The following RIN3 variants were observed in gnomAD, a reference collection of about 807,000 sequenced individuals.
RIN3 encodes Ras and Rab interactor 3, also known as RAB5 interacting protein 3.
Under a neutral mutation model 76.3 loss-of-function variants are expected in RIN3, and 54 were observed. That is an observed-to-expected ratio of 0.71 (90% CI 0.57 to 0.89). The LOEUF (loss-of-function observed/expected upper bound fraction) is 0.89, where lower values mean the gene tolerates loss of function less well. Among genes scored for constraint, RIN3 ranks in the 40% least tolerant of loss-of-function variants. RIN3 has a pLI of 0.00. For missense variants in RIN3, 1,256 were observed against 1,322.1 expected (o/e 0.95, Z 0.78); for synonymous variants, 576 against 564.0 (o/e 1.02, Z -0.30).
In RIN3 at chr14:92,521,985, C is replaced by T. The variant is rs1053834274; in HGVS notation, c.44+8009C>T. 1.1e-4 allele frequency among the ~76,000 whole-genome samples: 16 copies of T among 149,506 alleles called. No individual in the cohort carries two copies. In the East Asian group the frequency reaches 2.4e-3, roughly 22 times the overall value. On this transcript the variant is annotated intron_variant, in intron 1 of 9. Coordinates refer to ENST00000216487, the MANE Select transcript of RIN3 (RefSeq NM_024832.5). ...CGTATTGCAGATAGGAGAAACGCAC[C>T]GAGTGGGAAAGGACAAGTTGTGTGT...
Position 92,672,660 on chromosome 14 carries a change from A to ATGTGTGTG in RIN3, c.2336-3793_2336-3786dup, listed in dbSNP as rs57611104. 2.3e-3 allele frequency among the ~76,000 whole-genome samples: 345 copies of ATGTGTGTG among 148,512 alleles called. 2 individuals are homozygous for ATGTGTGTG. Among genetic ancestry groups the ATGTGTGTG allele is most frequent in the African/African-American group, 7.6e-3 (308 of 40,402 alleles). The stretch of plus-strand genomic sequence containing the variant: ...ATAAATTATATATATATGTGTGTGC[A>ATGTGTGTG]TGTGTGTGTGTGTGTGTGTGTGTGT... On this transcript the variant is annotated intron_variant, in intron 7 of 9. Transcript: ENST00000216487.
intron 3 of RIN3, among the ~76,000 whole-genome samples, chr14:92,599,363 G>A (rs543247074): frequency 1.1e-4 from 17 of 152,318 alleles, no homozygotes; most frequent in Non-Finnish European, 2.1e-4. Context: ...GGCAGACATG[G>A]AGGGGAGGGG....
At chr14:92,676,708 C>G in intron 8 of RIN3, 102 bp downstream of exon 8, 1 of 1,289,166 alleles carries the variant, frequency 7.8e-7, no homozygotes, top group Non-Finnish European at 1.1e-6. Context: ...GGATGCCAGA[C>G]TCTGGCTGAG....
At chr14:92,597,471 GT>G (rs1296940439) in intron 3 of RIN3, among the ~76,000 whole-genome samples, 1 of 152,186 alleles carries the variant, frequency 6.6e-6, no homozygotes, top group African/African-American at 2.4e-5. Flanking sequence ...GGCAGTGGCT[GT>G]GGTGAAAGAA....
intron 4 of RIN3, among the ~76,000 whole-genome samples, chr14:92,640,161 C>CCTGA (rs759551517): frequency 7.2e-5 from 7 of 97,848 alleles, no homozygotes; most frequent in Admixed American, 1.2e-4. Context: ...TCGGGGGCTG[C>CCTGA]CTGTGTGTTT....
chr14:92,622,922 C>T (rs755550190), intron 4 of RIN3, among the ~76,000 whole-genome samples: 5 of 152,192 alleles, frequency 3.3e-5, no homozygotes, highest in Non-Finnish European at 5.9e-5. Context: ...TAATATGATT[C>T]GGATTTCGTG....
At chr14:92,592,827 C>A (rs1885030624) in intron 3 of RIN3, among the ~76,000 whole-genome samples, 1 of 151,854 alleles carries the variant, frequency 6.6e-6, no homozygotes. Flanking sequence ...AAGGCTGCAC[C>A]ACCATGCCCA....
rs1327844682 is a variant in RIN3, at chr14:92,684,975, T to C, written c.2468-12T>C. 4.4e-6 allele frequency: 7 copies of C among 1,604,814 alleles called. No homozygotes were observed. The South Asian group carries it at 5.5e-5, about 13-fold the overall frequency. On this transcript the variant is annotated splice_polypyrimidine_tract_variant and intron_variant, in intron 8 of 9. Coordinates refer to ENST00000216487, the MANE Select transcript of RIN3 (RefSeq NM_024832.5). ...CGGTCCTGGCTCAGATTCCACACCC[T>C]TGTCCACGCAGGTTCCTACTATCTG...
intron 2 of RIN3, among the ~76,000 whole-genome samples, chr14:92,573,974 G>A (rs908696789): frequency 4.6e-5 from 7 of 152,192 alleles, no homozygotes; most frequent in Admixed American, 1.3e-4. Context: ...GCCAGGCCTG[G>A]CGGAGGCATC....
intron 3 of RIN3, among the ~76,000 whole-genome samples, chr14:92,607,540 T>C (rs1177838260): frequency 6.6e-6 from 1 of 152,124 alleles, no homozygotes; most frequent in Non-Finnish European, 1.5e-5. Flanking sequence ...GCCTGGGAGG[T>C]TGAGGTTGCA....
rs372803700 is a variant in RIN3, at chr14:92,564,827, C to T, written c.249+8872C>T. Among the ~76,000 whole-genome samples, 72 of 152,298 alleles carry T rather than the reference C, an allele frequency of 4.7e-4. 1 individual carries two copies. In the Middle Eastern group the frequency reaches 0.014, roughly 29 times the overall value. ...AATGGAGGAAACGCGCACACACACGCGCGCGCGCAGGAACAGCTGACTCAG... is the reference window on the plus strand; with the variant it reads ...AATGGAGGAAACGCGCACACACACGTGCGCGCGCAGGAACAGCTGACTCAG... On this transcript the variant is annotated intron_variant, in intron 2 of 9. Coordinates refer to ENST00000216487, the MANE Select transcript of RIN3 (RefSeq NM_024832.5).
At chr14:92,564,299 T>C (rs1897858140) in intron 2 of RIN3, among the ~76,000 whole-genome samples, 1 of 152,180 alleles carries the variant, frequency 6.6e-6, no homozygotes, top group East Asian at 1.9e-4. Flanking sequence ...GTCCCAGCTG[T>C]TAGTGAAATA....
chr14:92,597,576 T>A (rs964633907), intron 3 of RIN3, among the ~76,000 whole-genome samples: 2 of 152,212 alleles, frequency 1.3e-5, no homozygotes, highest in Admixed American at 1.3e-4. Flanking sequence ...CAATCTCAGT[T>A]TCCTCATCTG....
rs891800659 is a variant in RIN3, at chr14:92,653,459, C to T, written c.2026+384C>T. 2.3e-4 allele frequency among the ~76,000 whole-genome samples: 35 copies of T among 152,166 alleles called. 1 individual carries two copies. Among genetic ancestry groups the T allele is most frequent in the African/African-American group, 6.5e-4 (27 of 41,420 alleles). On this transcript the variant is annotated intron_variant, in intron 6 of 9. Coordinates refer to ENST00000216487, the MANE Select transcript of RIN3 (RefSeq NM_024832.5). ...CTGGCTGAGGCTGAGTTCATCCTTG[C>T]TCAAGCTCGCTCTGCGGCTTCCCAC...
intron 7 of RIN3, among the ~76,000 whole-genome samples, chr14:92,664,797 A>C (rs1888028106): frequency 6.6e-6 from 1 of 152,202 alleles, no homozygotes; most frequent in African/African-American, 2.4e-5. Context: ...TATGTATGTA[A>C]CATTACATAA....
chr14:92,616,273 A>C (rs1386137644), intron 4 of RIN3, among the ~76,000 whole-genome samples: 1 of 152,198 alleles, frequency 6.6e-6, no homozygotes. Context: ...AAATGAAAGT[A>C]CACTCCACAC....
intron 2 of RIN3, among the ~76,000 whole-genome samples, chr14:92,562,792 G>A (rs559008766): frequency 2.4e-4 from 36 of 152,248 alleles, no homozygotes; most frequent in Non-Finnish European, 4.3e-4. Flanking sequence ...CCAAGAAGCC[G>A]TCGTTCCTTT....
chr14:92,531,434 TG>T (rs1284558554), intron 1 of RIN3, among the ~76,000 whole-genome samples: 3 of 152,176 alleles, frequency 2.0e-5, no homozygotes, highest in Admixed American at 2.0e-4. Flanking sequence ...TAAAATCTGA[TG>T]GGGGCAGGTG....
chr14:92,569,172 G>A (rs1008526629), intron 2 of RIN3, among the ~76,000 whole-genome samples: 28 of 152,132 alleles, frequency 1.8e-4, no homozygotes, highest in African/African-American at 6.8e-4. Context: ...TCTCTTCTGG[G>A]GTCAGGCAAT....
Sources: allele counts gnomAD v4.1 joint callset (sites outside exome capture counted in the v4.1 genomes callset), GRCh38; gene constraint gnomAD v4.1.1; transcripts MANE v1.5; gene names NCBI Gene and HGNC (gene_info 2026-07-23, HGNC 2026-07-21).